Variants in RANBP17 observed in about 807,000 individuals in gnomAD.
RANBP17 encodes RAN binding protein 17.
RANBP17 carries 158 observed loss-of-function variants against 141.2 expected under a neutral mutation model. The observed-to-expected ratio is 1.12, with a 90% CI of 0.98 to 1.28. RANBP17 has a LOEUF of 1.28. Ranked by LOEUF, RANBP17 falls within the 50% of genes most tolerant of loss-of-function variation. The pLI is 0.00. For synonymous variants in RANBP17, 430 were observed against 450.0 expected (o/e 0.96, Z 0.56); for missense variants, 1,438 against 1,290.7 (o/e 1.11, Z -1.75).
intron 25 of RANBP17, among the ~76,000 whole-genome samples, chr5:171,281,436 G>C (rs1167196929): frequency 6.6e-6 from 1 of 152,194 alleles, no homozygotes; most frequent in South Asian, 2.1e-4. Context: ...ATCAATTAGA[G>C]ATAAGTGCAT....
At position 171,293,770 on chromosome 5, in the gene RANBP17, CT is replaced by C. The variant is rs1446331775; in HGVS notation, c.2944-110del. 3.8e-6 allele frequency: 3 copies of C among 793,492 alleles called. No individual in the cohort carries two copies. The Admixed American group carries it at 5.5e-5, about 15-fold the overall frequency. The allele number at this position is 793,492 out of a possible 1,614,324, so 49.2% of individuals were successfully genotyped here. On this transcript the variant is annotated intron_variant, in intron 25 of 27. Coordinates refer to ENST00000523189, the MANE Select transcript of RANBP17 (RefSeq NM_022897.5). ...GTCTAGTCCGTTTGTCCAGAAAGAG[CT>C]TTCATAGCTGTTAGCAAGATGGAGG...
At chr5:171,168,072 C>T (rs1759827892) in intron 14 of RANBP17, among the ~76,000 whole-genome samples, 1 of 152,068 alleles carries the variant, frequency 6.6e-6, no homozygotes, top group Admixed American at 6.6e-5. Context: ...ACATATTGCC[C>T]TAGGTGCAAT....
At chr5:171,227,918 T>C (rs986229542) in intron 22 of RANBP17, among the ~76,000 whole-genome samples, 6 of 152,176 alleles carry the variant, frequency 3.9e-5, no homozygotes, top group African/African-American at 1.4e-4. Flanking sequence ...TTAAGCCCAC[T>C]GTTGAAGCCT....
rs184100438 is a variant in RANBP17, at chr5:171,249,170, T to C, written c.2776+6350T>C. ...AGAAAGTTACAGAAAGCACTAATGC[T>C]ACTTACAACCAAAGAAATAATACTA... On this transcript the variant is annotated intron_variant, in intron 24 of 27. Transcript: ENST00000523189. 2.1e-4 allele frequency among the ~76,000 whole-genome samples: 32 copies of C among 152,258 alleles called. No individual in the cohort carries two copies. The East Asian group carries it at 6.0e-3, about 28-fold the overall frequency.
At chr5:171,128,855 A>G (rs927183669) in intron 14 of RANBP17, among the ~76,000 whole-genome samples, 1 of 152,230 alleles carries the variant, frequency 6.6e-6, no homozygotes, top group Non-Finnish European at 1.5e-5. Context: ...ATGAATTGCA[A>G]TAATGAAAAC....
intron 21 of RANBP17, among the ~76,000 whole-genome samples, chr5:171,219,986 A>G (rs1409716523): frequency 6.6e-6 from 1 of 151,794 alleles, no homozygotes; most frequent in East Asian, 1.9e-4. Context: ...TGGTTTTTGG[A>G]ATTTTCAGTG....
In RANBP17 at chr5:170,909,751, T is replaced by C; in HGVS notation, c.580T>C (p.Ser194Pro). 6.5e-7 allele frequency: 1 copy of C among 1,530,534 alleles called. No homozygotes were observed. The highest frequency in any genetic ancestry group is 9.0e-7 in the Non-Finnish European group (1 of 1,106,166). The allele number at this position is 1,530,534 out of a possible 1,614,324, so 94.8% of individuals were successfully genotyped here. ...SLKDVLVLACSLLKEVFAKPL... is the reference protein window; with the variant it reads ...SLKDVLVLACPLLKEVFAKPL... Reference sequence around the variant, plus strand: ...CAAAGACGTTTTAGTGCTAGCATGCTCTCTTTTAAAAGAGGTAAGTTATTT... The same window carrying C: ...CAAAGACGTTTTAGTGCTAGCATGCCCTCTTTTAAAAGAGGTAAGTTATTT... Residue 194 changes from serine to proline, a missense_variant, in exon 6 of 28, where the codon TCT becomes CCT. By Grantham distance (74) the Ser-to-Pro change is moderately conservative. Transcript: ENST00000523189.
chr5:171,000,135 T>C (rs1327184209), intron 14 of RANBP17, among the ~76,000 whole-genome samples: 1 of 152,214 alleles, frequency 6.6e-6, no homozygotes, highest in Non-Finnish European at 1.5e-5. Context: ...GCTTATCCAT[T>C]CATTCATCAG....
At chr5:171,089,326 C>A (rs1345028572) in intron 14 of RANBP17, among the ~76,000 whole-genome samples, 1 of 137,212 alleles carries the variant, frequency 7.3e-6, no homozygotes, top group Non-Finnish European at 1.6e-5. Context: ...TCTCAGATCT[C>A]CAGCTGCGTG....
chr5:171,182,363 T>C (rs898794014), intron 16 of RANBP17, among the ~76,000 whole-genome samples: 3 of 152,198 alleles, frequency 2.0e-5, no homozygotes, highest in African/African-American at 7.2e-5. Context: ...CTTGTATTCA[T>C]GTTTCCGATT....
chr5:171,298,968 T>C lies in RANBP17; in HGVS notation c.*110T>C. 1 of 715,154 alleles carries C rather than the reference T, an allele frequency of 1.4e-6. No homozygotes were observed. The highest frequency in any genetic ancestry group is 1.9e-5 in the South Asian group (1 of 51,694). 44.3% of individuals were successfully genotyped at this position (715,154 alleles called of 1,614,324 possible). ...CCAGGGGAATGTATTTTTCAAAACA[T>C]ACAAGCAACAGCAAAAGCCCTAACT... On this transcript the variant is annotated 3_prime_UTR_variant, in exon 28 of 28. Coordinates refer to ENST00000523189, the MANE Select transcript of RANBP17 (RefSeq NM_022897.5).
In RANBP17 at chr5:171,222,391, T is replaced by C. The variant is rs567488163; in HGVS notation, c.2422+551T>C. ...CTCTAATAATTGCCAATTCTGACAC[T>C]GTCATCAATGAAATTCTCTACTCTC... On this transcript the variant is annotated intron_variant, in intron 22 of 27. Transcript: ENST00000523189. Among the ~76,000 whole-genome samples the C allele has an allele frequency of 7.2e-4, 109 of 152,336 alleles. 1 individual carries two copies. The highest frequency in any genetic ancestry group is 2.5e-3 in the African/African-American group (105 of 41,574).
At chr5:170,984,717 A>C (rs1778004452) in intron 14 of RANBP17, among the ~76,000 whole-genome samples, 1 of 151,544 alleles carries the variant, frequency 6.6e-6, no homozygotes, top group Non-Finnish European at 1.5e-5. Flanking sequence ...AAACGTTAAA[A>C]CTCTTAGAAT....
chr5:171,141,033 A>G (rs988541277), intron 14 of RANBP17, among the ~76,000 whole-genome samples: 1 of 152,200 alleles, frequency 6.6e-6, no homozygotes, highest in African/African-American at 2.4e-5. Context: ...TTCTGTTCCC[A>G]TGATAGGCTG....
chr5:171,095,548 T>C (rs1786628212), intron 14 of RANBP17, among the ~76,000 whole-genome samples: 1 of 152,180 alleles, frequency 6.6e-6, no homozygotes, highest in Admixed American at 6.5e-5. Context: ...CCAAAGGAAC[T>C]CCATTGTTGA....
At chr5:170,903,480 A>G (rs1415393834) in intron 5 of RANBP17, 1 of 167,478 alleles carries the variant, frequency 6.0e-6, no homozygotes, top group Non-Finnish European at 1.3e-5. Context: ...CCCCCTTTCC[A>G]GGGGAGTGAA....
intron 14 of RANBP17, among the ~76,000 whole-genome samples, chr5:171,021,837 G>A (rs1020325412): frequency 3.3e-5 from 5 of 152,192 alleles, no homozygotes; most frequent in Admixed American, 2.6e-4. Flanking sequence ...CGATAATTTG[G>A]AGAAGAGTCA....
At chr5:171,031,817 C>T (rs1008969221) in intron 14 of RANBP17, among the ~76,000 whole-genome samples, 23 of 152,130 alleles carry the variant, frequency 1.5e-4, no homozygotes, top group South Asian at 6.2e-4. Flanking sequence ...CTCATAAAAA[C>T]GTATATCCTA....
intron 14 of RANBP17, among the ~76,000 whole-genome samples, chr5:171,164,245 A>C (rs1759527078): frequency 6.6e-6 from 1 of 152,178 alleles, no homozygotes; most frequent in East Asian, 1.9e-4. Context: ...AAAGATTGAC[A>C]TAATTAGTTT....
Sources: gnomAD v4.1 joint callset for allele counts (sites outside exome capture counted in the v4.1 genomes callset) on GRCh38, gnomAD v4.1.1 for gene constraint, MANE v1.5 for transcripts, NCBI Gene and HGNC (gene_info 2026-07-23, HGNC 2026-07-21) for gene names.